BDNF: variants seen among roughly 807,000 people sequenced by gnomAD.
The protein encoded by BDNF is neurotrophic factor BDNF precursor form.
Under a neutral mutation model 19.5 loss-of-function variants are expected in BDNF, and 1 was observed. That is an observed-to-expected ratio of 0.05 (90% CI 0.02 to 0.24). BDNF has a LOEUF of 0.24. Among genes scored for constraint, BDNF ranks in the 10% least tolerant of loss-of-function variants. BDNF has a pLI of 1.00. For missense variants in BDNF, 195 were observed against 317.6 expected (o/e 0.61, Z 2.93); for synonymous variants, 100 against 121.6 (o/e 0.82, Z 1.17).
rs759800574 is a variant in BDNF, at chr11:27,658,820, C to T, written c.-21-235G>A. On this transcript the variant is annotated intron_variant, in intron 1 of 1. Transcript: ENST00000356660. The surrounding 1 kb of genome is among the most constrained non-coding windows in gnomAD (Gnocchi z 5.7). The stretch of plus-strand genomic sequence containing the variant: ...TTCCCCCAAGATCTAGCATATAAAC[C>T]TGAGATTAGATGGCTTCTAAGCAAG... 399 of 1,404,662 alleles carry T rather than the reference C, an allele frequency of 2.8e-4. No homozygotes were observed. The highest frequency in any genetic ancestry group is 8.1e-4 in the Middle Eastern group (3 of 3,706). The allele number at this position is 1,404,662 out of a possible 1,614,324, so 87.0% of individuals were successfully genotyped here.
rs890526093 is a variant in BDNF, at chr11:27,658,640, G to A, written c.-21-55C>T. The A allele has an allele frequency of 2.7e-5, 43 of 1,613,688 alleles. No homozygotes were observed. In the East Asian group the frequency reaches 2.7e-4, roughly 10 times the overall value. On this transcript the variant is annotated intron_variant, in intron 1 of 1. Transcript: ENST00000356660. This position sits in a 1 kb window ranked among gnomAD's most constrained non-coding sequence, Gnocchi z 5.7. ...AAACTGGTTAGGGCTTTCTTTCACCGGGATGCCATGTGGCCCATCTGATTG... is the reference window on the plus strand; with the variant it reads ...AAACTGGTTAGGGCTTTCTTTCACCAGGATGCCATGTGGCCCATCTGATTG...
At chr11:27,686,372 T>C (rs1857487478) in intron 1 of BDNF, among the ~76,000 whole-genome samples, 1 of 152,246 alleles carries the variant, frequency 6.6e-6, no homozygotes, top group African/African-American at 2.4e-5. Flanking sequence ...TGTGGTCTTT[T>C]AATTGGGGCA....
At chr11:27,675,332 G>A (rs1443421053) in intron 1 of BDNF, 1 of 152,114 alleles carries the variant, frequency 6.6e-6, no homozygotes, top group East Asian at 1.9e-4. Context: ...AACCATATAT[G>A]CATACTTAAT....
intron 1 of BDNF, among the ~76,000 whole-genome samples, chr11:27,695,443 C>G (rs1045308096): frequency 9.2e-5 from 14 of 152,130 alleles, no homozygotes; most frequent in Non-Finnish European, 7.4e-5. Flanking sequence ...CTGACCTCCT[C>G]TCTCCAAAAA....
Position 27,657,400 on chromosome 11 carries a change from G to C in BDNF, c.*421C>G. On this transcript the variant is annotated 3_prime_UTR_variant, in exon 2 of 2. Coordinates refer to ENST00000356660, the MANE Select transcript of BDNF (RefSeq NM_001709.5). This position sits in a 1 kb window ranked among gnomAD's most constrained non-coding sequence, Gnocchi z 5.0. ...CAGATATAGTACTAACAAGAACGAA[G>C]ATACTTACTGTCTAAAATGTAAACG... The C allele has an allele frequency of 9.7e-7, 1 of 1,036,138 alleles. No homozygotes were observed. Among genetic ancestry groups the C allele is most frequent in the Non-Finnish European group, 1.2e-6 (1 of 860,892 alleles). The allele number at this position is 1,036,138 out of a possible 1,614,324, so 64.2% of individuals were successfully genotyped here.
chr11:27,714,979 T>A (rs924953066), intron 1 of BDNF, among the ~76,000 whole-genome samples: 1 of 152,138 alleles, frequency 6.6e-6, no homozygotes, highest in Admixed American at 6.5e-5. Flanking sequence ...CTTCTAAGGA[T>A]TGGAGCAAAT....
intron 1 of BDNF, among the ~76,000 whole-genome samples, chr11:27,683,353 G>A (rs747902372): frequency 6.6e-6 from 1 of 151,982 alleles, no homozygotes; most frequent in Non-Finnish European, 1.5e-5. Context: ...CCATTCTGTC[G>A]GTTGCCTGTT....
chr11:27,695,247 TGCCC>T (rs1858847042), intron 1 of BDNF, among the ~76,000 whole-genome samples: 1 of 152,192 alleles, frequency 6.6e-6, no homozygotes, highest in Non-Finnish European at 1.5e-5. Flanking sequence ...TACTTGGAAC[TGCCC>T]GTTTATTTTC....
chr11:27,670,670 A>T (rs924391803), intron 1 of BDNF, among the ~76,000 whole-genome samples: 1 of 152,246 alleles, frequency 6.6e-6, no homozygotes, highest in East Asian at 1.9e-4. Context: ...GCTCATCATC[A>T]CTGGCCATCA....
At chr11:27,711,720 T>C (rs1444643423) in intron 1 of BDNF, among the ~76,000 whole-genome samples, 1 of 152,224 alleles carries the variant, frequency 6.6e-6, no homozygotes, top group African/African-American at 2.4e-5. Context: ...CTCTGAGAGT[T>C]ACTTTAAGAG....
At chr11:27,699,312 C>A (rs1227288369) in intron 1 of BDNF, 1 of 1,596,506 alleles carries the variant, frequency 6.3e-7, no homozygotes, top group Non-Finnish European at 8.6e-7. Flanking sequence ...TGTAATCTCC[C>A]CTTCTTCTTG....
chr11:27,662,856 T>C (rs1358317995), intron 1 of BDNF, among the ~76,000 whole-genome samples: 1 of 152,192 alleles, frequency 6.6e-6, no homozygotes, highest in Admixed American at 6.5e-5. Context: ...GTGTTGCGGA[T>C]CCCTGCTCTA....
chr11:27,677,664 A>G (rs1201400392), intron 1 of BDNF: 1 of 152,234 alleles, frequency 6.6e-6, no homozygotes, highest in African/African-American at 2.4e-5. Context: ...GATGGTATGT[A>G]TTGGGGGATA....
rs908629026 is a variant in BDNF, at chr11:27,660,094, T to A, written c.-21-1509A>T. 4.1e-6 allele frequency: 3 copies of A among 724,176 alleles called. No individual in the cohort carries two copies. The Admixed American group carries it at 1.7e-4, about 40-fold the overall frequency. 44.9% of individuals were successfully genotyped at this position (724,176 alleles called of 1,614,324 possible). A position where few individuals can be genotyped will look rare whatever the true frequency, so the allele number is the denominator to read the frequency against. On this transcript the variant is annotated intron_variant, in intron 1 of 1. Coordinates refer to ENST00000356660, the MANE Select transcript of BDNF (RefSeq NM_001709.5). The stretch of plus-strand genomic sequence containing the variant: ...TGCAATGGCCATCATGATATCCAAA[T>A]AAGTAGGAAAAGGAACTGTGTTTCT...
At chr11:27,700,787 G>T (rs948734571), upstream of BDNF, 2 of 1,201,918 alleles carry the variant, frequency 1.7e-6, no homozygotes, top group Non-Finnish European at 2.1e-6. Context: ...CCTCAGCCCC[G>T]GGGAACCCCG....
intron 1 of BDNF, among the ~76,000 whole-genome samples, chr11:27,666,322 C>G (rs939058152): frequency 6.6e-6 from 1 of 152,170 alleles, no homozygotes; most frequent in Non-Finnish European, 1.5e-5. Flanking sequence ...GGGGAGAAAC[C>G]AGAGCAGAGA....
upstream of BDNF, chr11:27,700,825 G>C: frequency 1.6e-6 from 2 of 1,228,648 alleles, no homozygotes; most frequent in Non-Finnish European, 2.1e-6. Flanking sequence ...AGAAACCCCG[G>C]CTGTGGGCGC....
exon 1 of BDNF, chr11:27,721,764 T>C (rs936577518): frequency 1.3e-5 from 5 of 374,834 alleles, no homozygotes; most frequent in African/African-American, 6.1e-5. Flanking sequence ...TGCCCTGCTA[T>C]GTAGCAGGTG....
At chr11:27,720,165 T>TC (rs1251151359) in intron 1 of BDNF, among the ~76,000 whole-genome samples, 1 of 152,134 alleles carries the variant, frequency 6.6e-6, no homozygotes, top group Non-Finnish European at 1.5e-5. Context: ...TTCTTTTTTT[T>TC]CTTTCTCCCT....
Sources: allele counts gnomAD v4.1 joint callset (sites outside exome capture counted in the v4.1 genomes callset), GRCh38; gene constraint gnomAD v4.1.1; non-coding constraint Gnocchi (gnomAD v3.1); transcripts MANE v1.5; gene names NCBI Gene and HGNC (gene_info 2026-07-23, HGNC 2026-07-21).